Variants in IL2RA observed in about 807,000 individuals in gnomAD.
IL2RA encodes interleukin-2 receptor subunit alpha.
In IL2RA, 24 loss-of-function variants were observed where a neutral mutation model predicts 37.8. The ratio of observed to expected loss-of-function variants is 0.63; its 90% CI spans 0.46 to 0.89. The LOEUF (loss-of-function observed/expected upper bound fraction) is 0.89, where lower values mean the gene tolerates loss of function less well. Ranked by LOEUF, IL2RA falls within the 40% of genes least tolerant of loss-of-function variation. The pLI is 0.00. For synonymous variants in IL2RA, 125 were observed against 114.6 expected (o/e 1.09, Z -0.58); for missense variants, 319 against 348.6 (o/e 0.92, Z 0.68).
chr10:6,025,757 A>C lies in IL2RA; in HGVS notation c.256+77T>G, dbSNP rs1316719391. The C allele has an allele frequency of 7.2e-7, 1 of 1,380,994 alleles. No homozygotes were observed. Among genetic ancestry groups the C allele is most frequent in the African/African-American group, 1.4e-5 (1 of 70,240 alleles). 85.5% of individuals were successfully genotyped at this position (1,380,994 alleles called of 1,614,324 possible). A position where few individuals can be genotyped will look rare whatever the true frequency, so the allele number is the denominator to read the frequency against. ...TGGCCCATTTGTGTCTATAGGGCTGAGTGAACAAAAGCTGGGCTCTGTCTC... is the reference window on the plus strand; with the variant it reads ...TGGCCCATTTGTGTCTATAGGGCTGCGTGAACAAAAGCTGGGCTCTGTCTC... On this transcript the variant is annotated intron_variant, in intron 2 of 7. Coordinates refer to ENST00000379959, the MANE Select transcript of IL2RA (RefSeq NM_000417.3). This position sits in a 1 kb window ranked among gnomAD's most constrained non-coding sequence, Gnocchi z 4.4.
chr10:6,044,456 G>T lies in IL2RA; in HGVS notation c.64+17632C>A, dbSNP rs1353228475. ...AGGGGCAGTTTGCAGAAATTTCTAGGGAAGGGGTAGTAACTTTTGGGTCAT... is the reference window on the plus strand; with the variant it reads ...AGGGGCAGTTTGCAGAAATTTCTAGTGAAGGGGTAGTAACTTTTGGGTCAT... On this transcript the variant is annotated intron_variant, in intron 1 of 7. Coordinates refer to ENST00000379959, the MANE Select transcript of IL2RA (RefSeq NM_000417.3). This position sits in a 1 kb window ranked among gnomAD's most constrained non-coding sequence, Gnocchi z 4.5. 1.3e-5 allele frequency among the ~76,000 whole-genome samples: 2 copies of T among 152,172 alleles called. No homozygotes were observed. The highest frequency in any genetic ancestry group is 4.8e-5 in the African/African-American group (2 of 41,432).
At chr10:6,037,224 C>T (rs1447017485) in intron 1 of IL2RA, among the ~76,000 whole-genome samples, 2 of 152,082 alleles carry the variant, frequency 1.3e-5, no homozygotes, top group Admixed American at 1.3e-4. Flanking sequence ...GGGTGAGAAA[C>T]GTTTGTCGGT....
intron 1 of IL2RA, among the ~76,000 whole-genome samples, chr10:6,051,450 G>A (rs1168964431): frequency 2.0e-5 from 3 of 150,912 alleles, no homozygotes; most frequent in African/African-American, 2.4e-5. Flanking sequence ...AAGATGGGCC[G>A]ATTTGCTTCA....
chr10:6,056,709 G>T lies in IL2RA; in HGVS notation c.64+5379C>A, dbSNP rs1036886097. Among the ~76,000 whole-genome samples the T allele has an allele frequency of 3.3e-5, 5 of 151,830 alleles. No homozygotes were observed. The highest frequency in any genetic ancestry group is 1.2e-4 in the African/African-American group (5 of 41,296). On this transcript the variant is annotated intron_variant, in intron 1 of 7. Coordinates refer to ENST00000379959, the MANE Select transcript of IL2RA (RefSeq NM_000417.3). The surrounding 1 kb of genome is among the most constrained non-coding windows in gnomAD (Gnocchi z 5.0). Reference sequence around the variant, plus strand: ...CTGAAGGTTGCAGTGAGTTGAGATTGCACCACTGTGCTCTAGCCTGGGCGA... The same window carrying T: ...CTGAAGGTTGCAGTGAGTTGAGATTTCACCACTGTGCTCTAGCCTGGGCGA...
chr10:6,019,314 G>A (rs7069976), intron 6 of IL2RA, 114 bp downstream of exon 6: 815,419 of 822,980 alleles, frequency 0.99, 404,296 homozygotes, highest in East Asian at 1. Context: ...CAACCTACCA[G>A]TCAACCAACT....
rs1839386910 is a variant in IL2RA, at chr10:6,021,537, G to C, written c.524C>G (p.Thr175Arg). The C allele has an allele frequency of 1.2e-6, 2 of 1,614,128 alleles. No individual in the cohort carries two copies. The highest frequency in any genetic ancestry group is 1.7e-6 in the Non-Finnish European group (2 of 1,180,014). ...ESVCKMTHGKTRWTQPQLICT... is the reference protein window; with the variant it reads ...ESVCKMTHGKRRWTQPQLICT... ...TATGAGCTGGGGCTGGGTCCACCTT[G>C]TCTTCCCGTGGGTCATTTTGCAGAC... Residue 175 changes from threonine to arginine, a missense_variant, in exon 4 of 8, where the codon ACA (threonine) becomes AGA (arginine). Transcript: ENST00000379959. This position sits in a 1 kb window ranked among gnomAD's most constrained non-coding sequence, Gnocchi z 4.9.
intron 1 of IL2RA, among the ~76,000 whole-genome samples, chr10:6,061,252 T>C (rs1840117490): frequency 6.6e-6 from 1 of 152,022 alleles, no homozygotes; most frequent in Admixed American, 6.6e-5. Flanking sequence ...CCAGGTGTGG[T>C]GGCGTATGCC....
Position 6,054,261 on chromosome 10 carries a change from TCCAG to T in IL2RA, c.64+7823_64+7826del, listed in dbSNP as rs1233483044. 1.3e-5 allele frequency among the ~76,000 whole-genome samples: 2 copies of T among 152,192 alleles called. No individual in the cohort carries two copies. Among genetic ancestry groups the T allele is most frequent in the African/African-American group, 4.8e-5 (2 of 41,432 alleles). On this transcript the variant is annotated intron_variant, in intron 1 of 7. Transcript: ENST00000379959. The surrounding 1 kb of genome is among the most constrained non-coding windows in gnomAD (Gnocchi z 4.5). ...GCTGTCAGGACAAAAGCACTGGGAC[TCCAG>T]CCCTGTGGTGTGCACGTGGCTCGGG... is the stretch of plus-strand genomic sequence containing the variant.
intron 1 of IL2RA, among the ~76,000 whole-genome samples, chr10:6,060,866 C>A (rs1840112480): frequency 6.6e-6 from 1 of 152,160 alleles, no homozygotes; most frequent in Non-Finnish European, 1.5e-5. Flanking sequence ...GGGCACTTCC[C>A]CTAAACAAGC....
chr10:6,041,073 T>C (rs1328062180), intron 1 of IL2RA, among the ~76,000 whole-genome samples: 1 of 152,168 alleles, frequency 6.6e-6, no homozygotes, highest in Non-Finnish European at 1.5e-5. Flanking sequence ...CTGTGGACTT[T>C]TAACATCACG....
chr10:6,046,008 A>T lies in IL2RA; in HGVS notation c.64+16080T>A, dbSNP rs1209092296. Among the ~76,000 whole-genome samples the T allele has an allele frequency of 6.6e-6, 1 of 152,074 alleles. No individual in the cohort carries two copies. Among genetic ancestry groups the T allele is most frequent in the Non-Finnish European group, 1.5e-5 (1 of 68,016 alleles). On this transcript the variant is annotated intron_variant, in intron 1 of 7. Transcript: ENST00000379959. This position sits in a 1 kb window ranked among gnomAD's most constrained non-coding sequence, Gnocchi z 4.8. ...GGCCGGTCCTGTTAACACAAATCCT[A>T]ATTGTCAGGCTGACCAAGCCCACGT...
At chr10:6,055,076 C>G (rs921413338) in intron 1 of IL2RA, among the ~76,000 whole-genome samples, 2 of 152,160 alleles carry the variant, frequency 1.3e-5, no homozygotes, top group African/African-American at 4.8e-5. Context: ...CCTTGTTACT[C>G]AAAATGGGGT....
intron 1 of IL2RA, among the ~76,000 whole-genome samples, chr10:6,037,381 T>C (rs11256442): frequency 0.65 from 99,249 of 152,008 alleles, 32,838 homozygotes; most frequent in Non-Finnish European, 0.71. Flanking sequence ...ATAAGATTCT[T>C]TGCCCCTTGG....
intron 1 of IL2RA, among the ~76,000 whole-genome samples, chr10:6,049,623 T>C (rs561021805): frequency 6.6e-6 from 1 of 152,380 alleles, no homozygotes; most frequent in South Asian, 2.1e-4. Context: ...GGGACTCTTC[T>C]GTCTGTGCTT....
At chr10:6,041,921 G>A (rs955995154) in intron 1 of IL2RA, among the ~76,000 whole-genome samples, 2 of 151,654 alleles carry the variant, frequency 1.3e-5, no homozygotes, top group Non-Finnish European at 2.9e-5. Context: ...TGTTGATAAG[G>A]TAGCCAGATA....
rs941227366 is a variant in IL2RA at position 6,022,583 on chromosome 10, G to A, written c.368-890C>T. On this transcript the variant is annotated intron_variant, in intron 3 of 7. Coordinates refer to ENST00000379959, the MANE Select transcript of IL2RA (RefSeq NM_000417.3). This position sits in a 1 kb window ranked among gnomAD's most constrained non-coding sequence, Gnocchi z 4.7. ...AGAGCCTCTGTAAATATCCTCCAGA[G>A]CCTCTTCCCCAGCAGGAAGCTGGGT... Among the ~76,000 whole-genome samples, 13 of 152,214 alleles carry A rather than the reference G, an allele frequency of 8.5e-5. No individual in the cohort carries two copies. Among genetic ancestry groups the A allele is most frequent in the Non-Finnish European group, 1.8e-4 (12 of 68,034 alleles).
intron 1 of IL2RA, among the ~76,000 whole-genome samples, chr10:6,052,889 G>A (rs1839987283): frequency 6.6e-6 from 1 of 151,728 alleles, no homozygotes; most frequent in African/African-American, 2.4e-5. Flanking sequence ...CTCTAAAGAT[G>A]CCCCCAAGCT....
chr10:6,016,337 GAAATCTCTGTTCTTTATAAGTTAT>G lies in IL2RA; in HGVS notation c.794+1692_794+1715del, dbSNP rs1365368951. Among the ~76,000 whole-genome samples, 568 of 152,248 alleles carry G rather than the reference GAAATCTCTGTTCTTTATAAGTTAT, an allele frequency of 3.7e-3. 6 individuals are homozygous for G. The highest frequency in any genetic ancestry group is 0.013 in the African/African-American group (536 of 41,556). ...GACTTCCCAGCCTCCAGAATGGTAA[GAAATCTCTGTTCTTTATAAGTTAT>G]AAATCTCTGTTCTTTATAAATCTCT... On this transcript the variant is annotated intron_variant, in intron 7 of 7. Coordinates refer to ENST00000379959, the MANE Select transcript of IL2RA (RefSeq NM_000417.3).
chr10:6,030,903 C>A (rs572151370), intron 1 of IL2RA, among the ~76,000 whole-genome samples: 1 of 151,986 alleles, frequency 6.6e-6, no homozygotes, highest in East Asian at 1.9e-4. Context: ...GAAAATGGTA[C>A]AATATTAAGT....
Sources: gnomAD v4.1 joint callset for allele counts (sites outside exome capture counted in the v4.1 genomes callset) on GRCh38, gnomAD v4.1.1 for gene constraint, Gnocchi (gnomAD v3.1) non-coding constraint, MANE v1.5 for transcripts, NCBI Gene and HGNC (gene_info 2026-07-23, HGNC 2026-07-21) for gene names.